Variants in PPARGC1B observed in about 807,000 individuals in gnomAD.
The protein encoded by PPARGC1B is PPARG coactivator 1 beta, also known as peroxisome proliferator-activated receptor gamma coactivator 1-beta.
PPARGC1B carries 34 observed loss-of-function variants against 101.6 expected under a neutral mutation model. The ratio of observed to expected loss-of-function variants is 0.33; its 90% CI spans 0.25 to 0.45. The LOEUF (loss-of-function observed/expected upper bound fraction) is 0.45, where lower values mean the gene tolerates loss of function less well. Among genes scored for constraint, PPARGC1B ranks in the 20% least tolerant of loss-of-function variants. The probability of loss-of-function intolerance (pLI) is 1.00; values close to 1 mark genes in which losing one functional copy is unlikely to be tolerated. For synonymous variants in PPARGC1B, 548 were observed against 539.3 expected, an observed-to-expected ratio of 1.02 and a Z score of -0.22; for missense variants, 1,234 against 1,317.6, an observed-to-expected ratio of 0.94 and a Z score of 0.98.
chr5:149,803,803 C>T (rs906313190), intron 1 of PPARGC1B, among the ~76,000 whole-genome samples: 2 of 152,182 alleles, frequency 1.3e-5, no homozygotes, highest in East Asian at 3.9e-4. Context: ...TTGTACTCGC[C>T]CAGTTCTTCG....
chr5:149,843,245 G>T (rs570638605), intron 10 of PPARGC1B, among the ~76,000 whole-genome samples: 2 of 152,234 alleles, frequency 1.3e-5, no homozygotes, highest in East Asian at 3.9e-4. Context: ...TTACCTATCA[G>T]GGGATCTGCA....
At chr5:149,760,248 G>A (rs1458144805) in intron 1 of PPARGC1B, among the ~76,000 whole-genome samples, 1 of 152,162 alleles carries the variant, frequency 6.6e-6, no homozygotes, top group Non-Finnish European at 1.5e-5. Context: ...ACAGCAGAGG[G>A]CTCTGGGCAG....
chr5:149,790,357 CT>C (rs1756970647), intron 1 of PPARGC1B, among the ~76,000 whole-genome samples: 2 of 152,044 alleles, frequency 1.3e-5, no homozygotes, highest in South Asian at 4.1e-4. Flanking sequence ...GTGGCTTCCC[CT>C]ACAGAACATC....
At position 149,849,008 on chromosome 5, in the gene PPARGC1B, G is replaced by A. The variant is rs1466566350; in HGVS notation, c.*1450G>A. 6.6e-6 allele frequency: 1 copy of A among 152,120 alleles called. No individual in the cohort carries two copies. The highest frequency in any genetic ancestry group is 1.9e-4 in the East Asian group (1 of 5,198). The allele number at this position is 152,120 out of a possible 1,614,324, so 9.4% of individuals were successfully genotyped here. A position where few individuals can be genotyped will look rare whatever the true frequency, so the allele number is the denominator to read the frequency against. On this transcript the variant is annotated 3_prime_UTR_variant, in exon 12 of 12. Transcript: ENST00000309241. ...CTTAATGTTCTGTGGGTACCTTGGG[G>A]GCCATTCATGCAGGGAGCATGGCCA...
At chr5:149,793,972 T>C (rs1757114305) in intron 1 of PPARGC1B, among the ~76,000 whole-genome samples, 1 of 152,188 alleles carries the variant, frequency 6.6e-6, no homozygotes, top group Non-Finnish European at 1.5e-5. Context: ...AGCTGCCGGT[T>C]TTTGTAAAGT....
chr5:149,845,918 A>C lies in PPARGC1B; in HGVS notation c.2971+4A>C. Reference sequence around the variant, plus strand: ...TGGCCCAGATACACTGACTACGGTAAGCCCCTGAAACCCAGCCACAGTCTA... The same window carrying C: ...TGGCCCAGATACACTGACTACGGTACGCCCCTGAAACCCAGCCACAGTCTA... On this transcript the variant is annotated splice_donor_region_variant and intron_variant, in intron 11 of 11. Transcript: ENST00000309241. The C allele has an allele frequency of 6.2e-7, 1 of 1,614,266 alleles. No individual in the cohort carries two copies. Among genetic ancestry groups the C allele is most frequent in the South Asian group, 1.1e-5 (1 of 91,088 alleles).
chr5:149,744,686 A>G (rs1020425288), intron 1 of PPARGC1B, among the ~76,000 whole-genome samples: 3 of 152,254 alleles, frequency 2.0e-5, no homozygotes, highest in Non-Finnish European at 2.9e-5. Context: ...ATGAAGCCAG[A>G]TGAATGAGTT....
intron 10 of PPARGC1B, among the ~76,000 whole-genome samples, chr5:149,842,878 C>T (rs1163751971): frequency 6.6e-6 from 1 of 152,220 alleles, no homozygotes; most frequent in Non-Finnish European, 1.5e-5. Context: ...CAGCAAGTCC[C>T]AGGCCTTGGT....
chr5:149,832,592 G>T lies in PPARGC1B; in HGVS notation c.583-64G>T. On this transcript the variant is annotated intron_variant, in intron 4 of 11. Transcript: ENST00000309241. This position sits in a 1 kb window ranked among gnomAD's most constrained non-coding sequence, Gnocchi z 4.9. ...ACAATGGGCCAGCCAGTGACCATGC[G>T]GATGAGACACATGGGAGGAGTGTTT... 1 of 1,339,622 alleles carries T rather than the reference G, an allele frequency of 7.5e-7. No individual in the cohort carries two copies. Among genetic ancestry groups the T allele is most frequent in the Non-Finnish European group, 1.0e-6 (1 of 981,720 alleles). The allele number at this position is 1,339,622 out of a possible 1,614,324, so 83.0% of individuals were successfully genotyped here. A position where few individuals can be genotyped will look rare whatever the true frequency, so the allele number is the denominator to read the frequency against.
At chr5:149,744,473 A>G (rs113973002) in intron 1 of PPARGC1B, among the ~76,000 whole-genome samples, 3,166 of 152,298 alleles carry the variant, frequency 0.021, 99 homozygotes, top group African/African-American at 0.071. Context: ...TACTATGTGA[A>G]AGCGCAAAGC....
In PPARGC1B at chr5:149,845,745, G is replaced by A. The variant is rs1182507238; in HGVS notation, c.2817-15G>A. Reference sequence around the variant, plus strand: ...GCCAGCCCAATAACATACTCTCCTTGCTCCCTCCCCGCAGAGGCGAGAAGT... The same window carrying A: ...GCCAGCCCAATAACATACTCTCCTTACTCCCTCCCCGCAGAGGCGAGAAGT... On this transcript the variant is annotated splice_polypyrimidine_tract_variant and intron_variant, in intron 10 of 11. Coordinates refer to ENST00000309241, the MANE Select transcript of PPARGC1B (RefSeq NM_133263.4). The A allele has an allele frequency of 1.3e-6, 2 of 1,594,760 alleles. No homozygotes were observed. Among genetic ancestry groups the A allele is most frequent in the Non-Finnish European group, 1.7e-6 (2 of 1,167,646 alleles).
intron 9 of PPARGC1B, 121 bp from the exon 10 acceptor site, chr5:149,842,135 G>C: frequency 7.9e-7 from 1 of 1,266,004 alleles, no homozygotes; most frequent in Non-Finnish European, 1.1e-6. Context: ...ACTCCAGCCG[G>C]TATTGCTCAC....
At chr5:149,737,394 G>A (rs982591905) in intron 1 of PPARGC1B, among the ~76,000 whole-genome samples, 1 of 152,154 alleles carries the variant, frequency 6.6e-6, no homozygotes, top group Non-Finnish European at 1.5e-5. Flanking sequence ...GGAAAACCCT[G>A]AATTTTCCTC....
chr5:149,828,468 G>T (rs771007730), intron 3 of PPARGC1B, among the ~76,000 whole-genome samples: 1 of 152,256 alleles, frequency 6.6e-6, no homozygotes, highest in African/African-American at 2.4e-5. Flanking sequence ...TTAGAACAGT[G>T]CCTGGCACAT....
At chr5:149,762,650 A>C (rs1755758219) in intron 1 of PPARGC1B, among the ~76,000 whole-genome samples, 1 of 152,156 alleles carries the variant, frequency 6.6e-6, no homozygotes. Flanking sequence ...GTTTCTGCCT[A>C]ATGCTTGTAT....
chr5:149,842,042 C>T (rs140748509), intron 9 of PPARGC1B, among the ~76,000 whole-genome samples: 1 of 152,350 alleles, frequency 6.6e-6, no homozygotes, highest in Non-Finnish European at 1.5e-5. Context: ...GCAGTGGCTT[C>T]CTTGGAGGCC....
chr5:149,785,992 C>T (rs1035428076), intron 1 of PPARGC1B, among the ~76,000 whole-genome samples: 4 of 150,598 alleles, frequency 2.7e-5, no homozygotes, highest in Admixed American at 1.3e-4. Context: ...TGTGATTGCT[C>T]ACTGTAGCCT....
intron 1 of PPARGC1B, among the ~76,000 whole-genome samples, chr5:149,809,114 C>CA (rs1561566560): frequency 7.3e-4 from 92 of 125,792 alleles, no homozygotes; most frequent in African/African-American, 2.7e-3. Context: ...CTATCTCCAC[C>CA]TTAGATAGAT....
chr5:149,835,199 C>A, intron 6 of PPARGC1B, 102 bp from the exon 7 acceptor site: 1 of 1,036,942 alleles, frequency 9.6e-7, no homozygotes, highest in Non-Finnish European at 1.5e-6. Context: ...GCAGTGGAAC[C>A]AGGGCCTGTC....
Sources: allele counts gnomAD v4.1 joint callset (sites outside exome capture counted in the v4.1 genomes callset), GRCh38; gene constraint gnomAD v4.1.1; non-coding constraint Gnocchi (gnomAD v3.1); transcripts MANE v1.5; gene names NCBI Gene and HGNC (gene_info 2026-07-23, HGNC 2026-07-21).